Variants in TENM2 observed in about 807,000 individuals in gnomAD.
TENM2 encodes the protein teneurin-2.
TENM2 carries 52 observed loss-of-function variants against 245.2 expected under a neutral mutation model. That is an observed-to-expected ratio of 0.21 (90% CI 0.17 to 0.27). The LOEUF is 0.27. TENM2 is among the 10% of genes least tolerant of loss of function. TENM2 has a pLI of 1.00. For missense variants in TENM2, 3,046 were observed against 3,666.8 expected (o/e 0.83, Z 4.37); for synonymous variants, 1,363 against 1,438.9 (o/e 0.95, Z 1.19).
intron 4 of TENM2, among the ~76,000 whole-genome samples, chr5:167,991,292 T>C (rs555881310): frequency 1.3e-5 from 2 of 152,348 alleles, no homozygotes; most frequent in African/African-American, 2.4e-5. Context: ...GAGGACTTCA[T>C]TCATTCACTC....
intron 1 of TENM2, among the ~76,000 whole-genome samples, chr5:167,340,590 T>C (rs1219896087): frequency 6.6e-6 from 1 of 152,180 alleles, no homozygotes; most frequent in Non-Finnish European, 1.5e-5. Context: ...CATTTAACCT[T>C]AGTCACCTCC....
the TENM2 span, among the ~76,000 whole-genome samples, chr5:167,017,485 T>C: frequency 3.9e-5 from 6 of 152,134 alleles, no homozygotes; most frequent in Non-Finnish European, 7.4e-5. Context: ...CCATAGACAA[T>C]ATGTAAACAG....
At chr5:167,864,720 T>G (rs1772151431) in intron 2 of TENM2, among the ~76,000 whole-genome samples, 1 of 152,322 alleles carries the variant, frequency 6.6e-6, no homozygotes, top group South Asian at 2.1e-4. Flanking sequence ...CCCAACGAAC[T>G]TATCCCCTCT....
intron 3 of TENM2, 28 bp from the exon 6 acceptor site, chr5:167,952,560 T>C: frequency 6.4e-7 from 1 of 1,565,884 alleles, no homozygotes. Flanking sequence ...TTGCAGACGC[T>C]AACAGTCATT....
intron 2 of TENM2, among the ~76,000 whole-genome samples, chr5:167,537,250 C>CAAAAAA (rs386405596): frequency 2.8e-5 from 3 of 108,716 alleles, no homozygotes; most frequent in Non-Finnish European, 5.3e-5. Context: ...CCATCTCTAC[C>CAAAAAA]AAAAAAAAAA....
intron 4 of TENM2, among the ~76,000 whole-genome samples, chr5:167,981,947 C>A (rs1376463928): frequency 6.7e-6 from 1 of 148,862 alleles, no homozygotes; most frequent in Non-Finnish European, 1.5e-5. Flanking sequence ...GCACTCCAGC[C>A]TGGGCAACAA....
At chr5:167,759,603 G>T (rs1039223438) in intron 2 of TENM2, among the ~76,000 whole-genome samples, 10 of 152,150 alleles carry the variant, frequency 6.6e-5, no homozygotes, top group African/African-American at 2.4e-4. Flanking sequence ...AGGAGAGATG[G>T]GAAAGGAATG....
At chr5:167,314,286 C>G (rs1322374028) in intron 1 of TENM2, among the ~76,000 whole-genome samples, 1 of 152,126 alleles carries the variant, frequency 6.6e-6, no homozygotes, top group South Asian at 2.1e-4. Flanking sequence ...AGGGCAAGTG[C>G]TTACATTATC....
At chr5:167,727,104 C>CTTTTTTTT (rs1227700479) in intron 2 of TENM2, among the ~76,000 whole-genome samples, 64 of 96,122 alleles carry the variant, frequency 6.7e-4, no homozygotes, top group East Asian at 1.5e-3. Flanking sequence ...CCATTAATTT[C>CTTTTTTTT]TTTTTTTTTT....
At chr5:167,023,566 ATT>A in the TENM2 span, among the ~76,000 whole-genome samples, 1 of 152,202 alleles carries the variant, frequency 6.6e-6, no homozygotes, top group Non-Finnish European at 1.5e-5. Context: ...TAAAAATGTC[ATT>A]CTTTTGTTCC....
At chr5:167,737,125 A>G (rs1760856080) in intron 2 of TENM2, among the ~76,000 whole-genome samples, 1 of 152,160 alleles carries the variant, frequency 6.6e-6, no homozygotes, top group Non-Finnish European at 1.5e-5. Flanking sequence ...TTTTAAGTTC[A>G]TTAGTTAACC....
chr5:167,659,378 A>G (rs1442271058), intron 2 of TENM2, among the ~76,000 whole-genome samples: 11 of 152,238 alleles, frequency 7.2e-5, no homozygotes, highest in Admixed American at 2.0e-4. Flanking sequence ...TACACTTTCA[A>G]TTGTCAACTA....
chr5:167,859,079 G>A (rs1183757232), intron 2 of TENM2, among the ~76,000 whole-genome samples: 97 of 146,640 alleles, frequency 6.6e-4, no homozygotes, highest in African/African-American at 2.2e-3. Flanking sequence ...GTCTCTGCCC[G>A]GCCGCCCATC....
chr5:168,157,898 G>A (rs1757325215), intron 12 of TENM2, among the ~76,000 whole-genome samples: 1 of 152,066 alleles, frequency 6.6e-6, no homozygotes, highest in Admixed American at 6.5e-5. Context: ...TAAGGGTGTG[G>A]GTTGTTGTTT....
At chr5:167,737,825 G>A (rs974603657) in intron 2 of TENM2, among the ~76,000 whole-genome samples, 8 of 152,196 alleles carry the variant, frequency 5.3e-5, no homozygotes, top group African/African-American at 1.9e-4. Context: ...TAGGACACAA[G>A]TAAAAATATC....
At chr5:167,693,156 C>T (rs369072326) in intron 2 of TENM2, among the ~76,000 whole-genome samples, 8 of 152,096 alleles carry the variant, frequency 5.3e-5, no homozygotes, top group Non-Finnish European at 7.4e-5. Context: ...TCTGTATATA[C>T]GATGCTCAAT....
the TENM2 span, among the ~76,000 whole-genome samples, chr5:167,070,952 AT>A: frequency 6.6e-6 from 1 of 152,158 alleles, no homozygotes; most frequent in Non-Finnish European, 1.5e-5. Context: ...ACTATAGATA[AT>A]TCTTAACTTA....
intron 13 of TENM2, among the ~76,000 whole-genome samples, chr5:168,167,411 AG>A (rs1452651180): frequency 6.6e-6 from 1 of 152,076 alleles, no homozygotes; most frequent in Admixed American, 6.5e-5. Context: ...CAGGAGCCCT[AG>A]CCCTTCCATC....
chr5:167,367,071 G>T, intron 1 of TENM2, among the ~76,000 whole-genome samples: 1 of 152,050 alleles, frequency 6.6e-6, no homozygotes, highest in East Asian at 1.9e-4. Context: ...ATTGGAATGG[G>T]AAAATGCCAC....
Sources: allele counts gnomAD v4.1 joint callset (sites outside exome capture counted in the v4.1 genomes callset), GRCh38; gene constraint gnomAD v4.1.1; transcripts MANE v1.5; gene names NCBI Gene and HGNC (gene_info 2026-07-23, HGNC 2026-07-21).